MYCBPAP: variants seen among roughly 807,000 people sequenced by gnomAD.
MYCBPAP encodes MYCBP associated protein, also known as MYCBP-associated protein.
In MYCBPAP, 60 loss-of-function variants were observed where a neutral mutation model predicts 106.1. The ratio of observed to expected loss-of-function variants is 0.57; its 90% CI spans 0.46 to 0.70. The LOEUF (loss-of-function observed/expected upper bound fraction) is 0.70. MYCBPAP is among the 30% of genes least tolerant of loss of function. The pLI, the probability that MYCBPAP is intolerant of heterozygous loss-of-function variation, is 0.00. For synonymous variants in MYCBPAP, 407 were observed against 440.6 expected (o/e 0.92, Z 0.95); for missense variants, 1,064 against 1,169.3 (o/e 0.91, Z 1.31).
Position 50,508,497 on chromosome 17 carries a change from C to T in MYCBPAP, c.-178C>T. Reference sequence around the variant, plus strand: ...GCCGGCGGCGGGCGCGTGCGCGGCCCGATGAAGAAGGAGGTTTCCAAGCCG... The same window carrying T: ...GCCGGCGGCGGGCGCGTGCGCGGCCTGATGAAGAAGGAGGTTTCCAAGCCG... On this transcript the variant is annotated 5_prime_UTR_variant, in exon 1 of 19. Transcript: ENST00000323776. 6.6e-7 allele frequency: 1 copy of T among 1,506,820 alleles called. No homozygotes were observed. The highest frequency in any genetic ancestry group is 8.9e-7 in the Non-Finnish European group (1 of 1,126,252). The allele number at this position is 1,506,820 out of a possible 1,614,324, so 93.3% of individuals were successfully genotyped here. A position where few individuals can be genotyped will look rare whatever the true frequency, so the allele number is the denominator to read the frequency against.
rs779777621 is a variant in MYCBPAP at position 50,528,845 on chromosome 17, G to T, written c.2553+5G>T. 1.2e-6 allele frequency: 2 copies of T among 1,612,968 alleles called. No individual in the cohort carries two copies. The highest frequency in any genetic ancestry group is 2.7e-5 in the African/African-American group (2 of 74,878). ...GCCAAGCTGCTCGGGAAAGAGGCAT[G>T]CTGGGGCGTGGTCTGGGCCAGGTGG... On this transcript the variant is annotated splice_donor_5th_base_variant and intron_variant, in intron 17 of 18. Coordinates refer to ENST00000323776, the MANE Select transcript of MYCBPAP (RefSeq NM_032133.6).
In MYCBPAP at chr17:50,524,956, A is replaced by C. The variant is rs765758478; in HGVS notation, c.1715A>C (p.Glu572Ala). The C allele has an allele frequency of 6.2e-7, 1 of 1,614,008 alleles. No homozygotes were observed. The highest frequency in any genetic ancestry group is 8.5e-7 in the Non-Finnish European group (1 of 1,180,036). Residue 572 changes from glutamate to alanine, a missense_variant, in exon 13 of 19, where the codon GAG becomes GCG. Physicochemically the swap from Glu to Ala is moderately radical, Grantham distance 107 (BLOSUM62 -1). Transcript: ENST00000323776. Reference protein sequence around the residue: ...QELLMGVLTPERTPSPVDAYL... With the variant: ...QELLMGVLTPARTPSPVDAYL... ...CTGCTGATGGGGGTCTTGACCCCGG[A>C]GCGCACACCATCACCTGTGGATGCC...
intron 2 of MYCBPAP, 76 bp from the exon 3 acceptor site, chr17:50,517,217 T>C: frequency 7.1e-7 from 1 of 1,405,660 alleles, no homozygotes; most frequent in African/African-American, 1.4e-5. Flanking sequence ...CACCCAGAAC[T>C]AGAACAGAAG....
chr17:50,530,100 C>G (rs2034585561), intron 18 of MYCBPAP: 2 of 359,562 alleles, frequency 5.6e-6, no homozygotes, highest in Non-Finnish European at 1.1e-5. Flanking sequence ...GGTGACATCA[C>G]TAAGATATCA....
chr17:50,525,122 A>G (rs918813971), intron 13 of MYCBPAP, 99 bp downstream of exon 13: 2 of 1,412,772 alleles, frequency 1.4e-6, no homozygotes, highest in African/African-American at 1.4e-5. Context: ...TGGGTGAGCC[A>G]GCATTACTGC....
Position 50,508,580 on chromosome 17 carries a change from G to T in MYCBPAP, c.-95G>T. On this transcript the variant is annotated 5_prime_UTR_variant, in exon 1 of 19. Transcript: ENST00000323776. ...CCCGCGCGGGGCACCGGTTGCTGTG[G>T]ACGCAGTGGCGGCCGTTGGCTGGCG... The T allele has an allele frequency of 6.4e-7, 1 of 1,553,212 alleles. No homozygotes were observed. Among genetic ancestry groups the T allele is most frequent in the Non-Finnish European group, 8.7e-7 (1 of 1,147,860 alleles).
intron 1 of MYCBPAP, chr17:50,509,717 G>A (rs2033755420): frequency 6.4e-6 from 1 of 155,994 alleles, no homozygotes; most frequent in Non-Finnish European, 1.4e-5. Context: ...ACTGAGAGCT[G>A]ATTTTGTGTG....
At chr17:50,524,737 T>TGTGTGTGTGAGA (rs373928628) in intron 12 of MYCBPAP, 140 bp from the exon 13 acceptor site, 104 of 463,606 alleles carry the variant, frequency 2.2e-4, no homozygotes, top group African/African-American at 7.9e-4. Flanking sequence ...TGTGTGTGTG[T>TGTGTGTGTGAGA]GAGAGAGAGA....
rs767989427 is a variant in MYCBPAP, at chr17:50,527,274, A to G, written c.2170-13A>G. 2.9e-5 allele frequency: 46 copies of G among 1,613,652 alleles called. No individual in the cohort carries two copies. Among genetic ancestry groups the G allele is most frequent in the Admixed American group, 6.7e-5 (4 of 59,998 alleles). ...GGTGTCCTGGTGCAGAATGGTGCCC[A>G]TGACCCTGCCAGGCAGTGATGGTGC... On this transcript the variant is annotated splice_polypyrimidine_tract_variant and intron_variant, in intron 14 of 18. Transcript: ENST00000323776.
At chr17:50,527,160 A>G (rs2034488735) in intron 14 of MYCBPAP, 127 bp from the exon 15 acceptor site, 3 of 1,339,688 alleles carry the variant, frequency 2.2e-6, no homozygotes, top group Non-Finnish European at 3.1e-6. Context: ...GCACCCAGAC[A>G]GCTCTCCATA....
chr17:50,517,588 C>G lies in MYCBPAP; in HGVS notation c.365-7C>G. On this transcript the variant is annotated splice_region_variant and splice_polypyrimidine_tract_variant and intron_variant, in intron 3 of 18. Transcript: ENST00000323776. ...CTTCTTTCCCCTTTCTTCTTTTATC[C>G]TCCCAGGTCCCGGTGACAGCTTCGA... 1 of 1,614,110 alleles carries G rather than the reference C, an allele frequency of 6.2e-7. No individual in the cohort carries two copies. The highest frequency in any genetic ancestry group is 8.5e-7 in the Non-Finnish European group (1 of 1,179,966).
chr17:50,531,172 A>G (rs2034629728), intron 18 of MYCBPAP, among the ~76,000 whole-genome samples, 155 bp from the exon 19 acceptor site: 1 of 152,032 alleles, frequency 6.6e-6, no homozygotes, highest in Non-Finnish European at 1.5e-5. Flanking sequence ...AATCTGCAAA[A>G]CCAAAAATTA....
Position 50,528,156 on chromosome 17 carries a change from T to C in MYCBPAP, c.2293T>C (p.Leu765=), listed in dbSNP as rs976261400. 1 of 1,613,840 alleles carries C rather than the reference T, an allele frequency of 6.2e-7. No individual in the cohort carries two copies. The highest frequency in any genetic ancestry group is 8.5e-7 in the Non-Finnish European group (1 of 1,179,794). Residue 765 remains leucine (L), a splice_region_variant and synonymous_variant, in exon 16 of 19, where the codon TTG becomes CTG. Coordinates refer to ENST00000323776, the MANE Select transcript of MYCBPAP (RefSeq NM_032133.6). ...TCTCCACTGTGTCTTGCCCTCTAGT[T>C]TGCAGCTGTGGCGAGATGTGATTGA... ...LQSNLLHQMC[L]QLWRDVIDSL...
intron 1 of MYCBPAP, among the ~76,000 whole-genome samples, chr17:50,511,400 G>T (rs1290568377): frequency 6.6e-6 from 1 of 151,880 alleles, no homozygotes; most frequent in Admixed American, 6.6e-5. Context: ...ACCAATTAAA[G>T]CTCTGCCCTA....
rs764802057 is a variant in MYCBPAP, at chr17:50,518,966, C to G, written c.653-8C>G. On this transcript the variant is annotated splice_polypyrimidine_tract_variant and splice_region_variant and intron_variant, in intron 5 of 18. Coordinates refer to ENST00000323776, the MANE Select transcript of MYCBPAP (RefSeq NM_032133.6). ...GCAGAGTGGCGGCAATCTTGCCTCT[C>G]TCTCTAGAACACCTAAAGAAGCCAG... The G allele has an allele frequency of 2.5e-6, 4 of 1,611,646 alleles. No homozygotes were observed. The highest frequency in any genetic ancestry group is 8.5e-7 in the Non-Finnish European group (1 of 1,178,202).
intron 18 of MYCBPAP, chr17:50,529,718 G>A: frequency 2.2e-6 from 1 of 455,824 alleles, no homozygotes; most frequent in South Asian, 1.5e-5. Context: ...ACAGACTCTA[G>A]GGGAACAGAG....
chr17:50,513,705 C>T (rs949677829), intron 1 of MYCBPAP, among the ~76,000 whole-genome samples: 2 of 152,200 alleles, frequency 1.3e-5, no homozygotes, highest in Admixed American at 1.3e-4. Context: ...GGAAAGATGT[C>T]AACCCAGCCA....
intron 10 of MYCBPAP, chr17:50,522,582 T>C (rs2034298234): frequency 6.6e-6 from 1 of 150,980 alleles, no homozygotes; most frequent in South Asian, 2.1e-4. Context: ...TAATCCCTGC[T>C]ACTTGGAAAG....
chr17:50,522,502 C>A, intron 10 of MYCBPAP: 1 of 158,390 alleles, frequency 6.3e-6, no homozygotes, highest in Non-Finnish European at 1.4e-5. Flanking sequence ...CAAGACCAGC[C>A]CTGGCCAGCA....
Sources: allele counts gnomAD v4.1 joint callset (sites outside exome capture counted in the v4.1 genomes callset), GRCh38; gene constraint gnomAD v4.1.1; transcripts MANE v1.5; gene names NCBI Gene and HGNC (gene_info 2026-07-23, HGNC 2026-07-21).